CDCA2: variants seen among roughly 807,000 people sequenced by gnomAD.
CDCA2 encodes the protein cell division cycle-associated protein 2.
Under a neutral mutation model 67.0 loss-of-function variants are expected in CDCA2, and 44 were observed. That is an observed-to-expected ratio of 0.66 (90% CI 0.52 to 0.84). The LOEUF (loss-of-function observed/expected upper bound fraction) is 0.84. Among genes scored for constraint, CDCA2 ranks in the 40% least tolerant of loss-of-function variants. The pLI, the probability that CDCA2 is intolerant of heterozygous loss-of-function variation, is 0.00. For synonymous variants in CDCA2, 447 were observed against 418.7 expected (o/e 1.07, Z -0.82); for missense variants, 1,253 against 1,203.2 (o/e 1.04, Z -0.61).
chr8:25,497,802 C>T (rs564443090), intron 13 of CDCA2, among the ~76,000 whole-genome samples: 8 of 152,284 alleles, frequency 5.3e-5, no homozygotes, highest in African/African-American at 1.7e-4. Context: ...CTCTCATCCA[C>T]CATGCTATAT....
At chr8:25,478,886 GTGTATA>G (rs201324444) in intron 7 of CDCA2, among the ~76,000 whole-genome samples, 7,717 of 119,672 alleles carry the variant, frequency 0.064, 235 homozygotes, top group South Asian at 0.15. Flanking sequence ...TGTTGTGTGT[GTGTATA>G]TATATATATA....
rs1563262339 is a variant in CDCA2 at position 25,468,415 on chromosome 8, TA to T, written c.735+4del. The T allele has an allele frequency of 6.2e-7, 1 of 1,608,070 alleles. No individual in the cohort carries two copies. The highest frequency in any genetic ancestry group is 8.5e-7 in the Non-Finnish European group (1 of 1,176,548). On this transcript the variant is annotated splice_donor_region_variant and intron_variant, in intron 6 of 14. Coordinates refer to ENST00000330560, the MANE Select transcript of CDCA2 (RefSeq NM_152562.4). ...GAAACTTCTGTAGATCTTTCTGAGG[TA>T]ATTCACTTACTTTACGCATAGGAAA... is the stretch of plus-strand genomic sequence containing the variant.
chr8:25,475,641 G>A (rs902658670), intron 7 of CDCA2, among the ~76,000 whole-genome samples: 2 of 152,124 alleles, frequency 1.3e-5, no homozygotes, highest in Admixed American at 6.5e-5. Context: ...GTTGCTTCTC[G>A]ACCTGGCGAA....
intron 8 of CDCA2, among the ~76,000 whole-genome samples, chr8:25,483,015 T>G (rs1803629433): frequency 6.6e-6 from 1 of 152,244 alleles, no homozygotes; most frequent in Non-Finnish European, 1.5e-5. Context: ...TGAGCATCCG[T>G]GGATTTTGGT....
At chr8:25,468,882 T>A (rs527389974) in intron 6 of CDCA2, among the ~76,000 whole-genome samples, 1 of 152,312 alleles carries the variant, frequency 6.6e-6, no homozygotes, top group South Asian at 2.1e-4. Context: ...TGCCCCTGAC[T>A]GCTTTCCTTC....
At position 25,462,049 on chromosome 8, in the gene CDCA2, T is replaced by A; in HGVS notation, c.233-5T>A. On this transcript the variant is annotated splice_polypyrimidine_tract_variant and splice_region_variant and intron_variant, in intron 3 of 14. Transcript: ENST00000330560. Reference sequence around the variant, plus strand: ...GTTCCAATTTATAAGAGAGTTTCATTACAGGAAAGTCATCATCCTACCTTA... The same window carrying A: ...GTTCCAATTTATAAGAGAGTTTCATAACAGGAAAGTCATCATCCTACCTTA... 1 of 1,611,806 alleles carries A rather than the reference T, an allele frequency of 6.2e-7. No individual in the cohort carries two copies. Among genetic ancestry groups the A allele is most frequent in the Non-Finnish European group, 8.5e-7 (1 of 1,178,152 alleles).
intron 5 of CDCA2, among the ~76,000 whole-genome samples, chr8:25,466,860 T>A (rs574979963): frequency 6.6e-6 from 1 of 151,790 alleles, no homozygotes; most frequent in South Asian, 2.1e-4. Flanking sequence ...CTGGCCAACA[T>A]GGTGAAACCC....
At chr8:25,469,287 G>A (rs1803057775) in intron 6 of CDCA2, among the ~76,000 whole-genome samples, 1 of 152,202 alleles carries the variant, frequency 6.6e-6, no homozygotes, top group Non-Finnish European at 1.5e-5. Flanking sequence ...AGGCTCCAGT[G>A]GGTTTCCTTT....
intron 8 of CDCA2, among the ~76,000 whole-genome samples, chr8:25,481,633 T>A (rs1438356858): frequency 6.6e-6 from 1 of 151,970 alleles, no homozygotes; most frequent in Non-Finnish European, 1.5e-5. Context: ...GAGCTTTCAG[T>A]GAGCCGAGAT....
At chr8:25,484,425 C>A (rs778285088) in intron 10 of CDCA2, among the ~76,000 whole-genome samples, 6 of 151,960 alleles carry the variant, frequency 3.9e-5, no homozygotes, top group Non-Finnish European at 7.4e-5. Context: ...CAGATTTATG[C>A]CAATGAATTT....
chr8:25,500,294 C>T (rs1804422040), intron 13 of CDCA2, among the ~76,000 whole-genome samples: 1 of 143,480 alleles, frequency 7.0e-6, no homozygotes, highest in Admixed American at 7.2e-5. Context: ...GCTATTCTGG[C>T]GATTATAATC....
At chr8:25,472,054 C>T (rs1362326127) in intron 7 of CDCA2, 2 of 152,128 alleles carry the variant, frequency 1.3e-5, no homozygotes, top group African/African-American at 4.8e-5. Context: ...CTTAGGGGGA[C>T]CTGCATGACA....
intron 13 of CDCA2, 54 bp downstream of exon 13, chr8:25,488,743 T>C: frequency 6.9e-7 from 1 of 1,451,520 alleles, no homozygotes; most frequent in Non-Finnish European, 9.1e-7. Context: ...GTTTCCTTAT[T>C]GTATAATTAG....
chr8:25,506,385 AT>A (rs1804676951), intron 14 of CDCA2, 124 bp from the exon 15 acceptor site: 1 of 803,212 alleles, frequency 1.2e-6, no homozygotes, highest in Non-Finnish European at 1.9e-6. Flanking sequence ...ACAGTGTAAC[AT>A]TTGTGGGTCT....
intron 13 of CDCA2, among the ~76,000 whole-genome samples, chr8:25,492,222 A>G (rs1804037922): frequency 6.6e-6 from 1 of 152,184 alleles, no homozygotes; most frequent in African/African-American, 2.4e-5. Context: ...AAGTGCTGGG[A>G]TTACAGGCTT....
At chr8:25,471,679 C>T (rs1236764417) in intron 7 of CDCA2, among the ~76,000 whole-genome samples, 2 of 152,086 alleles carry the variant, frequency 1.3e-5, no homozygotes, top group African/African-American at 4.8e-5. Flanking sequence ...ATTCTTTTTG[C>T]TTTGCTCTTA....
At chr8:25,480,350 G>A (rs1803521208) in intron 8 of CDCA2, among the ~76,000 whole-genome samples, 1 of 151,928 alleles carries the variant, frequency 6.6e-6, no homozygotes. Flanking sequence ...AGAATTTAAT[G>A]TAAGTAGACT....
rs555940076 is a variant in CDCA2, at chr8:25,479,987, G to A, written c.895G>A (p.Val299Met). The change falls in exon 8 of 15, where the codon GTG becomes ATG. Residue 299 changes from valine (V) to methionine (M), a missense_variant. By Grantham distance (21) the Val-to-Met change is conservative. Coordinates refer to ENST00000330560, the MANE Select transcript of CDCA2 (RefSeq NM_152562.4). ...AVSPDTFTAE[V>M]SSDAVPDVRS... ...TTCGCCTGACACGTTCACAGCAGAA[G>A]TGAGCTCAGACGCAGTCCCTGATGT... 7 of 1,614,188 alleles carry A rather than the reference G, an allele frequency of 4.3e-6. No homozygotes were observed. The South Asian group carries it at 6.6e-5, about 15-fold the overall frequency.
chr8:25,471,877 G>T (rs908047487), intron 7 of CDCA2, among the ~76,000 whole-genome samples: 3 of 152,208 alleles, frequency 2.0e-5, no homozygotes, highest in Non-Finnish European at 4.4e-5. Context: ...ATTAAACAGG[G>T]AAGAATAGAT....
Sources: gnomAD v4.1 joint callset for allele counts (sites outside exome capture counted in the v4.1 genomes callset) on GRCh38, gnomAD v4.1.1 for gene constraint, MANE v1.5 for transcripts, NCBI Gene and HGNC (gene_info 2026-07-23, HGNC 2026-07-21) for gene names.